CAMK1D: variants seen among roughly 807,000 people sequenced by gnomAD.
The protein encoded by CAMK1D is calcium/calmodulin dependent protein kinase ID.
A neutral mutation model predicts 47.7 loss-of-function variants in CAMK1D; 9 were observed. The observed-to-expected ratio is 0.19, with a 90% CI of 0.11 to 0.33. The LOEUF is 0.33. Among genes scored for constraint, CAMK1D ranks in the 10% least tolerant of loss-of-function variants. The pLI is 1.00. For missense variants in CAMK1D, 291 were observed against 488.7 expected (o/e 0.60, Z 3.81); for synonymous variants, 184 against 184.9 (o/e 0.99, Z 0.04).
At chr10:12,565,443 G>A (rs556202134) in intron 2 of CAMK1D, among the ~76,000 whole-genome samples, 1 of 152,118 alleles carries the variant, frequency 6.6e-6, no homozygotes, top group East Asian at 1.9e-4. Context: ...TAGTAGAGAC[G>A]GGGTTTCACC....
intron 6 of CAMK1D, among the ~76,000 whole-genome samples, chr10:12,793,229 C>A (rs1234865367): frequency 6.6e-6 from 1 of 152,188 alleles, no homozygotes; most frequent in African/African-American, 2.4e-5. Flanking sequence ...TTCCCTGGGG[C>A]TGGGGAAAGT....
At chr10:12,569,866 C>T (rs890153614) in intron 2 of CAMK1D, among the ~76,000 whole-genome samples, 2 of 151,932 alleles carry the variant, frequency 1.3e-5, no homozygotes, top group African/African-American at 4.8e-5. Flanking sequence ...GTGACCCTCC[C>T]GTAGGTTCAA....
intron 1 of CAMK1D, among the ~76,000 whole-genome samples, chr10:12,387,118 T>C (rs934282719): frequency 4.7e-5 from 7 of 150,002 alleles, no homozygotes; most frequent in African/African-American, 1.5e-4. Context: ...GCAGGAGAAT[T>C]GCTTAAACCC....
At chr10:12,772,699 G>T (rs1446693247) in intron 5 of CAMK1D, among the ~76,000 whole-genome samples, 1 of 152,214 alleles carries the variant, frequency 6.6e-6, no homozygotes, top group Non-Finnish European at 1.5e-5. Flanking sequence ...ATGGCAGCCA[G>T]TGGGAGCCAT....
intron 1 of CAMK1D, among the ~76,000 whole-genome samples, chr10:12,548,639 AT>A (rs1836480141): frequency 6.6e-6 from 1 of 151,188 alleles, no homozygotes; most frequent in African/African-American, 2.4e-5. Flanking sequence ...TAATTTTTAA[AT>A]TTTTTCTAGA....
At chr10:12,381,763 G>C (rs779567275) in intron 1 of CAMK1D, among the ~76,000 whole-genome samples, 1 of 152,146 alleles carries the variant, frequency 6.6e-6, no homozygotes, top group Admixed American at 6.5e-5. Context: ...TCATTGTCTT[G>C]CTAATTGGAT....
At chr10:12,816,826 C>A (rs1011006923) in intron 8 of CAMK1D, among the ~76,000 whole-genome samples, 5 of 145,680 alleles carry the variant, frequency 3.4e-5, no homozygotes, top group African/African-American at 1.3e-4. Flanking sequence ...GAGCTGAGAT[C>A]GCACCATTGC....
At position 12,713,679 on chromosome 10, in the gene CAMK1D, T is replaced by C. The variant is rs145333199; in HGVS notation, c.299+46869T>C. 7.2e-5 allele frequency among the ~76,000 whole-genome samples: 11 copies of C among 152,208 alleles called. No homozygotes were observed. The East Asian group carries it at 1.9e-3, about 27-fold the overall frequency. ...GTTGCAGATGTTTGTTAGGATGTGGTCAGATGTGGGGAAGGGCAGGTGGCC... is the reference window on the plus strand; with the variant it reads ...GTTGCAGATGTTTGTTAGGATGTGGCCAGATGTGGGGAAGGGCAGGTGGCC... On this transcript the variant is annotated intron_variant, in intron 3 of 10. Transcript: ENST00000619168.
chr10:12,709,617 G>C (rs1337915605), intron 3 of CAMK1D, among the ~76,000 whole-genome samples: 1 of 152,204 alleles, frequency 6.6e-6, no homozygotes, highest in East Asian at 1.9e-4. Flanking sequence ...CATAGAGGTG[G>C]AGAGGAGGGC....
chr10:12,591,710 T>C (rs1204309828), intron 2 of CAMK1D, among the ~76,000 whole-genome samples: 1 of 152,262 alleles, frequency 6.6e-6, no homozygotes, highest in African/African-American at 2.4e-5. Context: ...GGTTTGTTTT[T>C]TGAGACGGAG....
intron 1 of CAMK1D, among the ~76,000 whole-genome samples, chr10:12,516,700 T>C (rs952792054): frequency 2.0e-5 from 3 of 152,246 alleles, no homozygotes; most frequent in Admixed American, 6.5e-5. Context: ...CATGTAGTGA[T>C]ATCTCACTAT....
intron 2 of CAMK1D, among the ~76,000 whole-genome samples, chr10:12,640,772 G>A (rs1839642660): frequency 6.6e-6 from 1 of 152,136 alleles, no homozygotes; most frequent in Non-Finnish European, 1.5e-5. Context: ...GCTGTGGGAG[G>A]CCTGCCTCAG....
chr10:12,550,715 A>G (rs1036735367), intron 1 of CAMK1D, among the ~76,000 whole-genome samples: 2 of 152,076 alleles, frequency 1.3e-5, no homozygotes, highest in Non-Finnish European at 2.9e-5. Flanking sequence ...CCTATGGGTG[A>G]ATAATTTGTG....
chr10:12,614,847 C>G (rs1246758774), intron 2 of CAMK1D, among the ~76,000 whole-genome samples: 1 of 152,178 alleles, frequency 6.6e-6, no homozygotes, highest in Admixed American at 6.5e-5. Context: ...TGAGTACCAG[C>G]CATACCAGCT....
chr10:12,732,997 A>G (rs1370285469), intron 3 of CAMK1D, among the ~76,000 whole-genome samples: 1 of 152,186 alleles, frequency 6.6e-6, no homozygotes, highest in African/African-American at 2.4e-5. Context: ...GTTAAATAAG[A>G]TAATGTACAA....
intron 1 of CAMK1D, among the ~76,000 whole-genome samples, chr10:12,528,552 G>A (rs1039730168): frequency 6.6e-6 from 1 of 152,126 alleles, no homozygotes; most frequent in African/African-American, 2.4e-5. Flanking sequence ...TCAAATATTG[G>A]AATAGTAGAA....
chr10:12,506,166 C>T (rs866920184), intron 1 of CAMK1D, among the ~76,000 whole-genome samples: 31 of 152,130 alleles, frequency 2.0e-4, no homozygotes, highest in Middle Eastern at 6.3e-3. Flanking sequence ...TGCCTGTAAT[C>T]CCAGCACTTT....
intron 1 of CAMK1D, among the ~76,000 whole-genome samples, chr10:12,398,614 G>A (rs1437218821): frequency 6.6e-6 from 1 of 152,172 alleles, no homozygotes; most frequent in African/African-American, 2.4e-5. Flanking sequence ...CTCCCAAAGT[G>A]CTAGGATTAC....
chr10:12,462,965 A>T (rs893527083), intron 1 of CAMK1D, among the ~76,000 whole-genome samples: 1 of 152,132 alleles, frequency 6.6e-6, no homozygotes, highest in African/African-American at 2.4e-5. Flanking sequence ...GACAGAGAGC[A>T]CTCTATCTGG....
Sources: gnomAD v4.1 joint callset for allele counts (sites outside exome capture counted in the v4.1 genomes callset) on GRCh38, gnomAD v4.1.1 for gene constraint, MANE v1.5 for transcripts, NCBI Gene and HGNC (gene_info 2026-07-23, HGNC 2026-07-21) for gene names.